The following C17orf107 variants were observed in gnomAD, a reference collection of about 807,000 sequenced individuals.
C17orf107 encodes chromosome 17 open reading frame 107.
A neutral mutation model predicts 8.9 loss-of-function variants in C17orf107; 9 were observed. The ratio of observed to expected loss-of-function variants is 1.02; its 90% CI spans 0.61 to 1.77. The LOEUF (loss-of-function observed/expected upper bound fraction) is 1.77, where lower values mean the gene tolerates loss of function less well. Ranked by LOEUF, C17orf107 falls within the 40% of genes most tolerant of loss-of-function variation. The probability of loss-of-function intolerance (pLI) is 0.00; values close to 1 mark genes in which losing one functional copy is unlikely to be tolerated. For synonymous variants in C17orf107, 139 were observed against 120.3 expected, an observed-to-expected ratio of 1.16 and a Z score of -1.02; for missense variants, 281 against 249.0, an observed-to-expected ratio of 1.13 and a Z score of -0.86.
chr17:4,901,719 G>A lies in C17orf107; in HGVS notation c.*1186G>A. The A allele has an allele frequency of 3.0e-6, 4 of 1,351,414 alleles. No homozygotes were observed. The highest frequency in any genetic ancestry group is 1.4e-5 in the African/African-American group (1 of 69,834). 83.7% of individuals were successfully genotyped at this position (1,351,414 alleles called of 1,614,324 possible). On this transcript the variant is annotated 3_prime_UTR_variant, in exon 3 of 3. Transcript: ENST00000381365. Reference sequence around the variant, plus strand: ...GGAAGCTGGGATCTAGCGGGGCCGCGATCCCAAGCCCACCCCTTCACCCAA... The same window carrying A: ...GGAAGCTGGGATCTAGCGGGGCCGCAATCCCAAGCCCACCCCTTCACCCAA...
Position 4,900,564 on chromosome 17 carries a change from T to G in C17orf107, c.*31T>G. ...AGAGGCGGCGGGGCTAGGGAGGCAC[T>G]GAGCCGGACTGTCCCCCAAGAGAGC... On this transcript the variant is annotated 3_prime_UTR_variant, in exon 3 of 3. Coordinates refer to ENST00000381365, the MANE Select transcript of C17orf107 (RefSeq NM_001145536.2). The G allele has an allele frequency of 6.5e-7, 1 of 1,549,868 alleles. No individual in the cohort carries two copies. The highest frequency in any genetic ancestry group is 8.7e-7 in the Non-Finnish European group (1 of 1,146,684).
Position 4,902,048 on chromosome 17 carries a change from C to T in C17orf107, c.*1515C>T. 1 of 1,614,100 alleles carries T rather than the reference C, an allele frequency of 6.2e-7. No individual in the cohort carries two copies. The highest frequency in any genetic ancestry group is 8.5e-7 in the Non-Finnish European group (1 of 1,180,030). ...TCACGGAGCCGCCCTCGTAGACGAG[C>T]ACGTTGGCGTCGTAGGCCACTCCGA... On this transcript the variant is annotated 3_prime_UTR_variant, in exon 3 of 3. Coordinates refer to ENST00000381365, the MANE Select transcript of C17orf107 (RefSeq NM_001145536.2). The surrounding 1 kb of genome is among the most constrained non-coding windows in gnomAD (Gnocchi z 4.0).
At chr17:4,904,187 T>C (rs146662338), downstream of C17orf107, among the ~76,000 whole-genome samples, 45 of 151,846 alleles carry the variant, frequency 3.0e-4, no homozygotes, top group African/African-American at 1.0e-3. Context: ...GTTTCTTTTT[T>C]TGTTTTTTGT....
chr17:4,901,561 T>C lies in C17orf107; in HGVS notation c.*1028T>C. 1 of 1,614,188 alleles carries C rather than the reference T, an allele frequency of 6.2e-7. No individual in the cohort carries two copies. The highest frequency in any genetic ancestry group is 8.5e-7 in the Non-Finnish European group (1 of 1,180,020). ...TCTGTGTCGATGTCGATCTTGTTGA[T>C]GGTCTTGCCGTCGTTGTCTACGGCA... On this transcript the variant is annotated 3_prime_UTR_variant, in exon 3 of 3. Coordinates refer to ENST00000381365, the MANE Select transcript of C17orf107 (RefSeq NM_001145536.2).
chr17:4,902,216 C>T lies in C17orf107; in HGVS notation c.*1683C>T, dbSNP rs879253722. 1 of 1,614,060 alleles carries T rather than the reference C, an allele frequency of 6.2e-7. No individual in the cohort carries two copies. Among genetic ancestry groups the T allele is most frequent in the Non-Finnish European group, 8.5e-7 (1 of 1,179,982 alleles). ...AGCCTGGCGTCTGGCCCGGTTCTCA[C>T]TTGTTTTCCAGCACAATCTCTGGCA... On this transcript the variant is annotated 3_prime_UTR_variant, in exon 3 of 3. Coordinates refer to ENST00000381365, the MANE Select transcript of C17orf107 (RefSeq NM_001145536.2). The surrounding 1 kb of genome is among the most constrained non-coding windows in gnomAD (Gnocchi z 4.0).
Position 4,902,058 on chromosome 17 carries a change from T to G in C17orf107, c.*1525T>G. ...GCCCTCGTAGACGAGCACGTTGGCG[T>G]CGTAGGCCACTCCGAACTGGCCATC... On this transcript the variant is annotated 3_prime_UTR_variant, in exon 3 of 3. Transcript: ENST00000381365. This position sits in a 1 kb window ranked among gnomAD's most constrained non-coding sequence, Gnocchi z 4.0. 6.2e-7 allele frequency: 1 copy of G among 1,614,026 alleles called. No homozygotes were observed. The highest frequency in any genetic ancestry group is 8.5e-7 in the Non-Finnish European group (1 of 1,180,026).
chr17:4,900,550 G>T lies in C17orf107; in HGVS notation c.*17G>T. On this transcript the variant is annotated 3_prime_UTR_variant, in exon 3 of 3. Coordinates refer to ENST00000381365, the MANE Select transcript of C17orf107 (RefSeq NM_001145536.2). ...GTGAGTTAGGGGCCAGAGGCGGCGG[G>T]GCTAGGGAGGCACTGAGCCGGACTG... is the stretch of plus-strand genomic sequence containing the variant. 1 of 1,550,442 alleles carries T rather than the reference G, an allele frequency of 6.4e-7. No individual in the cohort carries two copies. Among genetic ancestry groups the T allele is most frequent in the Non-Finnish European group, 8.7e-7 (1 of 1,146,936 alleles).
chr17:4,901,695 G>T lies in C17orf107; in HGVS notation c.*1162G>T. Reference sequence around the variant, plus strand: ...GGCCCCGGCCTCAGGCCCAGCCCTGGAAGCTGGGATCTAGCGGGGCCGCGA... The same window carrying T: ...GGCCCCGGCCTCAGGCCCAGCCCTGTAAGCTGGGATCTAGCGGGGCCGCGA... On this transcript the variant is annotated 3_prime_UTR_variant, in exon 3 of 3. Coordinates refer to ENST00000381365, the MANE Select transcript of C17orf107 (RefSeq NM_001145536.2). The T allele has an allele frequency of 1.4e-6, 2 of 1,480,954 alleles. No homozygotes were observed. Among genetic ancestry groups the T allele is most frequent in the East Asian group, 2.3e-5 (1 of 44,074 alleles). The allele number at this position is 1,480,954 out of a possible 1,614,324, so 91.7% of individuals were successfully genotyped here. A position where few individuals can be genotyped will look rare whatever the true frequency, so the allele number is the denominator to read the frequency against.
Position 4,900,797 on chromosome 17 carries a change from C to G in C17orf107, c.*264C>G. On this transcript the variant is annotated 3_prime_UTR_variant, in exon 3 of 3. Transcript: ENST00000381365. ...CCGCGGGGGCTCCGGCTTCACCTGC[C>G]CAGGAGCGGCACGCTCAGAGAAGTC... 1 of 1,613,590 alleles carries G rather than the reference C, an allele frequency of 6.2e-7. No homozygotes were observed. The highest frequency in any genetic ancestry group is 8.5e-7 in the Non-Finnish European group (1 of 1,179,730).
rs1555546765 is a variant in C17orf107, at chr17:4,901,028, G to A, written c.*495G>A. 2 of 1,614,038 alleles carry A rather than the reference G, an allele frequency of 1.2e-6. No homozygotes were observed. Among genetic ancestry groups the A allele is most frequent in the South Asian group, 1.1e-5 (1 of 91,090 alleles). ...GAAGTAGGCGAGCAGCACCAGGCCC[G>A]AGATGAGCACACAGGGCACGATGAT... On this transcript the variant is annotated 3_prime_UTR_variant, in exon 3 of 3. Coordinates refer to ENST00000381365, the MANE Select transcript of C17orf107 (RefSeq NM_001145536.2).
chr17:4,904,618 G>A (rs559110483), downstream of C17orf107, among the ~76,000 whole-genome samples: 2 of 152,280 alleles, frequency 1.3e-5, no homozygotes, highest in East Asian at 3.9e-4. Flanking sequence ...ACATGAAAGG[G>A]GATGCTAAGG....
In C17orf107 at chr17:4,901,871, CCCGCCCCATAAGG is replaced by C; in HGVS notation, c.*1341_*1353del. On this transcript the variant is annotated 3_prime_UTR_variant, in exon 3 of 3. Transcript: ENST00000381365. ...CCGAGGGCGGTGCTTCCCGGTTGGC[CCCGCCCCATAAGG>C]CCCCCCCCCAACAATAATCGTCCGG... The C allele has an allele frequency of 8.7e-6, 13 of 1,494,820 alleles. No homozygotes were observed. The highest frequency in any genetic ancestry group is 1.4e-5 in the African/African-American group (1 of 70,776). The allele number at this position is 1,494,820 out of a possible 1,614,324, so 92.6% of individuals were successfully genotyped here.
chr17:4,905,275 A>AC (rs1970076859), downstream of C17orf107, among the ~76,000 whole-genome samples: 2 of 152,206 alleles, frequency 1.3e-5, no homozygotes, highest in African/African-American at 4.8e-5. Flanking sequence ...TTGGCCAGGC[A>AC]CAGTGGCTCA....
rs1463132688 is a variant in C17orf107, at chr17:4,901,123, G to A, written c.*590G>A. The stretch of plus-strand genomic sequence containing the variant: ...AGATGACGTCAGTCTCCCCTGGGCC[G>A]TCGGTGGCGCCACCGTGGTGGCGGC... On this transcript the variant is annotated 3_prime_UTR_variant, in exon 3 of 3. Coordinates refer to ENST00000381365, the MANE Select transcript of C17orf107 (RefSeq NM_001145536.2). The A allele has an allele frequency of 1.2e-6, 2 of 1,612,712 alleles. No individual in the cohort carries two copies. The highest frequency in any genetic ancestry group is 2.2e-5 in the East Asian group (1 of 44,864).
Position 4,900,017 on chromosome 17 carries a change from G to A in C17orf107, c.148G>A (p.Glu50Lys). The change falls in exon 2 of 3, where the codon GAG (glutamate) becomes AAG (lysine). Residue 50 changes from glutamate to lysine, a missense_variant. Coordinates refer to ENST00000381365, the MANE Select transcript of C17orf107 (RefSeq NM_001145536.2). ...TGAATATCTGGAGCAGAGGTTCAGAGAGCTGAAGTCCCTGGAGCCACCCGA... is the reference window on the plus strand; with the variant it reads ...TGAATATCTGGAGCAGAGGTTCAGAAAGCTGAAGTCCCTGGAGCCACCCGA... ...AHEYLEQRFRELKSLEPPEPK... is the reference protein window; with the variant it reads ...AHEYLEQRFRKLKSLEPPEPK... 6.4e-7 allele frequency: 1 copy of A among 1,551,542 alleles called. No homozygotes were observed. The highest frequency in any genetic ancestry group is 8.7e-7 in the Non-Finnish European group (1 of 1,147,008).
In C17orf107 at chr17:4,900,522, G is replaced by C. The variant is rs1490577163; in HGVS notation, c.562G>C (p.Gly188Arg). The change falls in exon 3 of 3, where the codon GGG becomes CGG. Residue 188 changes from glycine (G) to arginine (R), a missense_variant. Physicochemically the swap from Gly to Arg is moderately radical, Grantham distance 125 (BLOSUM62 -2). Coordinates refer to ENST00000381365, the MANE Select transcript of C17orf107 (RefSeq NM_001145536.2). Reference protein sequence around the residue: ...IPGEPVSSGHGVS With the variant: ...IPGEPVSSGHRVS The stretch of plus-strand genomic sequence containing the variant: ...CGGAGAACCGGTGAGCTCAGGACAC[G>C]GGGTGAGTTAGGGGCCAGAGGCGGC... 1 of 1,550,828 alleles carries C rather than the reference G, an allele frequency of 6.4e-7. No homozygotes were observed. The highest frequency in any genetic ancestry group is 8.7e-7 in the Non-Finnish European group (1 of 1,146,974).
chr17:4,901,280 AC>A lies in C17orf107; in HGVS notation c.*749del. ...TGAAGAGGAGGCTGCGGCTGTCTGC[AC>A]CAGGGTCATGGGCCGTCAGGATGGG... On this transcript the variant is annotated 3_prime_UTR_variant, in exon 3 of 3. Coordinates refer to ENST00000381365, the MANE Select transcript of C17orf107 (RefSeq NM_001145536.2). 2 of 1,450,580 alleles carry A rather than the reference AC, an allele frequency of 1.4e-6. No individual in the cohort carries two copies. The highest frequency in any genetic ancestry group is 1.9e-6 in the Non-Finnish European group (2 of 1,056,634). 89.9% of individuals were successfully genotyped at this position (1,450,580 alleles called of 1,614,324 possible).
chr17:4,903,072 G>C (rs373612116), downstream of C17orf107: 3 of 1,613,872 alleles, frequency 1.9e-6, no homozygotes, highest in Admixed American at 1.7e-5. Context: ...ATCCTGCTGC[G>C]TGGTTCTCAG....
Position 4,899,571 on chromosome 17 carries a change from A to C in C17orf107, c.-192A>C. 6.3e-7 allele frequency: 1 copy of C among 1,587,772 alleles called. No individual in the cohort carries two copies. The highest frequency in any genetic ancestry group is 2.3e-5 in the East Asian group (1 of 43,952). On this transcript the variant is annotated 5_prime_UTR_variant, in exon 1 of 3. Transcript: ENST00000381365. ...AATGAGCGTGGCGACCACCATGACG[A>C]AAATAAGGAACCTGAGGAGCCCGGA...
Sources: allele counts gnomAD v4.1 joint callset (sites outside exome capture counted in the v4.1 genomes callset), GRCh38; gene constraint gnomAD v4.1.1; non-coding constraint Gnocchi (gnomAD v3.1); transcripts MANE v1.5; gene names NCBI Gene and HGNC (gene_info 2026-07-23, HGNC 2026-07-21).